The following CNST variants were observed in gnomAD, a reference collection of about 807,000 sequenced individuals.
CNST encodes consortin, connexin sorting protein, also known as consortin.
In CNST, 39 loss-of-function variants were observed where a neutral mutation model predicts 72.4. The ratio of observed to expected loss-of-function variants is 0.54; its 90% CI spans 0.42 to 0.70. The LOEUF (loss-of-function observed/expected upper bound fraction) is 0.70, where lower values mean the gene tolerates loss of function less well. CNST is among the 30% of genes least tolerant of loss of function. The pLI is 0.00. For synonymous variants in CNST, 332 were observed against 320.1 expected (o/e 1.04, Z -0.40); for missense variants, 871 against 868.5 (o/e 1.00, Z -0.04).
In CNST at chr1:246,647,298, G is replaced by A. The variant is rs778969386; in HGVS notation, c.1097G>A (p.Ser366Asn). ...GACCACATGGAGGAGCTGCTCTGCA[G>A]CGCTGAAGCCACGTTAGCGCTCCAC... Reference protein sequence around the residue: ...GKDHMEELLCSAEATLALHTQ... With the variant: ...GKDHMEELLCNAEATLALHTQ... Residue 366 changes from serine (S) to asparagine (N), a missense_variant, in exon 9 of 11, where the codon AGC (serine) becomes AAC (asparagine). By Grantham distance (46) the Ser-to-Asn change is conservative (BLOSUM62 1). Coordinates refer to ENST00000366513, the MANE Select transcript of CNST (RefSeq NM_152609.3). 1 of 1,614,148 alleles carries A rather than the reference G, an allele frequency of 6.2e-7. No individual in the cohort carries two copies. Among genetic ancestry groups the A allele is most frequent in the Non-Finnish European group, 8.5e-7 (1 of 1,180,044 alleles).
In CNST at chr1:246,628,077, C is replaced by T. The variant is rs896770603; in HGVS notation, c.586-3817C>T. On this transcript the variant is annotated intron_variant, in intron 3 of 10. Transcript: ENST00000366513. ...TCGAGGGCAGGAAACATCCAGCACG[C>T]GAGAAAGATGTGGGCTGGGAGGCTA... Among the ~76,000 whole-genome samples the T allele has an allele frequency of 2.6e-5, 4 of 152,030 alleles. No homozygotes were observed. In the East Asian group the frequency reaches 5.8e-4, roughly 22 times the overall value.
chr1:246,614,026 C>A (rs540203365), intron 2 of CNST, among the ~76,000 whole-genome samples: 1 of 152,052 alleles, frequency 6.6e-6, no homozygotes, highest in Non-Finnish European at 1.5e-5. Context: ...CTTCCCTATC[C>A]TCAAAAATGC....
chr1:246,576,445 TTTTGGTTTAATTGTG>T (rs74163464), intron 1 of CNST, among the ~76,000 whole-genome samples: 54,351 of 147,854 alleles, frequency 0.37, 10,760 homozygotes, highest in East Asian at 0.66. Flanking sequence ...CGTAAATTTG[TTTTGGTTTAATTGTG>T]TTAGAGTTAG....
intron 2 of CNST, among the ~76,000 whole-genome samples, chr1:246,618,074 C>T (rs1663816964): frequency 6.6e-6 from 1 of 152,160 alleles, no homozygotes; most frequent in South Asian, 2.1e-4. Flanking sequence ...TAAAAATACA[C>T]CCAGAAAGGA....
intron 3 of CNST, among the ~76,000 whole-genome samples, chr1:246,624,454 C>G (rs1467989554): frequency 6.6e-6 from 1 of 152,194 alleles, no homozygotes; most frequent in Non-Finnish European, 1.5e-5. Flanking sequence ...GTTTGACGTA[C>G]AGTAAAAGCC....
At chr1:246,607,780 C>T (rs1481329320) in intron 2 of CNST, 1 of 152,228 alleles carries the variant, frequency 6.6e-6, no homozygotes, top group Non-Finnish European at 1.5e-5. Context: ...AGGAGTTATT[C>T]ATCCCCCCAA....
chr1:246,608,472 A>G, intron 2 of CNST, among the ~76,000 whole-genome samples: 1 of 152,268 alleles, frequency 6.6e-6, no homozygotes, highest in East Asian at 1.9e-4. Context: ...TGAGAGGAAA[A>G]GTAGAGAATC....
Position 246,608,649 on chromosome 1 carries a change from C to T in CNST, c.380-12780C>T, listed in dbSNP as rs142998423. ...CTGTGTGATCAACAGGATTTAAGCC[C>T]GTGGGTTACCTGCTTTTACAACCTA... On this transcript the variant is annotated intron_variant, in intron 2 of 10. Coordinates refer to ENST00000366513, the MANE Select transcript of CNST (RefSeq NM_152609.3). Among the ~76,000 whole-genome samples, 410 of 152,230 alleles carry T rather than the reference C, an allele frequency of 2.7e-3. 1 individual carries two copies. Among genetic ancestry groups the T allele is most frequent in the African/African-American group, 9.2e-3 (381 of 41,516 alleles).
At chr1:246,589,695 C>T (rs959571870) in intron 1 of CNST, among the ~76,000 whole-genome samples, 10 of 152,206 alleles carry the variant, frequency 6.6e-5, no homozygotes, top group Non-Finnish European at 1.2e-4. Flanking sequence ...GCCATACTGT[C>T]TTCCACAATG....
Position 246,667,587 on chromosome 1 carries a change from T to C in CNST, c.*1682T>C, listed in dbSNP as rs1195765302. 2 of 152,226 alleles carry C rather than the reference T, an allele frequency of 1.3e-5. No homozygotes were observed. Among genetic ancestry groups the C allele is most frequent in the African/African-American group, 2.4e-5 (1 of 41,464 alleles). 9.4% of individuals were successfully genotyped at this position (152,226 alleles called of 1,614,324 possible). A position where few individuals can be genotyped will look rare whatever the true frequency, so the allele number is the denominator to read the frequency against. On this transcript the variant is annotated 3_prime_UTR_variant, in exon 11 of 11. Coordinates refer to ENST00000366513, the MANE Select transcript of CNST (RefSeq NM_152609.3). ...ATAATGAAATTTAGATTCCTTATAC[T>C]TAAGGCTGATTTTATTAGAAGATTA...
intron 3 of CNST, among the ~76,000 whole-genome samples, chr1:246,627,795 G>C (rs1249830276): frequency 6.6e-6 from 1 of 151,730 alleles, no homozygotes; most frequent in South Asian, 2.1e-4. Context: ...AGTGGAAATG[G>C]AGAGGGATGG....
chr1:246,595,909 G>A (rs1446291511), intron 2 of CNST, among the ~76,000 whole-genome samples: 2 of 152,116 alleles, frequency 1.3e-5, no homozygotes, highest in Non-Finnish European at 2.9e-5. Context: ...GTCACTAATA[G>A]TCATGTCATT....
intron 5 of CNST, 87 bp from the exon 6 acceptor site, chr1:246,634,386 G>T: frequency 1.4e-6 from 1 of 702,694 alleles, no homozygotes; most frequent in South Asian, 2.0e-5. Flanking sequence ...AAATCTTTAT[G>T]AGTGGTGCTA....
Position 246,647,921 on chromosome 1 carries a change from G to T in CNST, c.1720G>T (p.Asp574Tyr). The T allele has an allele frequency of 1.2e-6, 2 of 1,613,786 alleles. No individual in the cohort carries two copies. Among genetic ancestry groups the T allele is most frequent in the Non-Finnish European group, 1.7e-6 (2 of 1,179,926 alleles). ...TGAAGATAACCAAGACGACGACTCCGATCTCCTTCAAGATCTCTCTCCTGA... is the reference window on the plus strand; with the variant it reads ...TGAAGATAACCAAGACGACGACTCCTATCTCCTTCAAGATCTCTCTCCTGA... ...SYEDNQDDDS[D>Y]LLQDLSPEEA... The change falls in exon 9 of 11, where the codon GAT becomes TAT. Residue 574 changes from aspartate to tyrosine, a missense_variant. Asp to Tyr is a radical substitution (Grantham distance 160). Transcript: ENST00000366513.
chr1:246,576,308 A>G (rs917776561), intron 1 of CNST, among the ~76,000 whole-genome samples: 54 of 110,640 alleles, frequency 4.9e-4, no homozygotes, highest in Admixed American at 2.3e-3. Flanking sequence ...TCACGTGCCT[A>G]TGATAACCGT....
chr1:246,639,108 C>G (rs1665505588), intron 6 of CNST, among the ~76,000 whole-genome samples: 2 of 151,962 alleles, frequency 1.3e-5, no homozygotes, highest in Non-Finnish European at 2.9e-5. Context: ...TGGTTGTGAG[C>G]TGTTTAGAGA....
At chr1:246,614,735 G>A (rs1163846615) in intron 2 of CNST, among the ~76,000 whole-genome samples, 3 of 152,076 alleles carry the variant, frequency 2.0e-5, no homozygotes, top group Non-Finnish European at 4.4e-5. Flanking sequence ...CTCCCAAAGT[G>A]CTGAGATTAC....
At chr1:246,615,666 G>A (rs1663639922) in intron 2 of CNST, among the ~76,000 whole-genome samples, 2 of 151,124 alleles carry the variant, frequency 1.3e-5, no homozygotes, top group African/African-American at 4.9e-5. Flanking sequence ...ATCACCTGAG[G>A]TCGGGAGTTC....
intron 2 of CNST, among the ~76,000 whole-genome samples, chr1:246,595,008 A>G (rs145783975): frequency 6.6e-6 from 1 of 152,290 alleles, no homozygotes; most frequent in East Asian, 1.9e-4. Flanking sequence ...GTGCATCTAT[A>G]GAGTTTTTAT....
Sources: allele counts gnomAD v4.1 joint callset (sites outside exome capture counted in the v4.1 genomes callset), GRCh38; gene constraint gnomAD v4.1.1; transcripts MANE v1.5; gene names NCBI Gene and HGNC (gene_info 2026-07-23, HGNC 2026-07-21).